The following BFSP1 variants were observed in gnomAD, a reference collection of about 807,000 sequenced individuals.
BFSP1 encodes filensin.
BFSP1 carries 38 observed loss-of-function variants against 43.9 expected under a neutral mutation model. That is an observed-to-expected ratio of 0.87 (90% CI 0.67 to 1.14). The LOEUF (loss-of-function observed/expected upper bound fraction) is 1.14. BFSP1 is among the 50% of genes most tolerant of loss of function. BFSP1 has a pLI of 0.00. For synonymous variants in BFSP1, 352 were observed against 354.8 expected (o/e 0.99, Z 0.09); for missense variants, 850 against 875.1 (o/e 0.97, Z 0.36).
At position 17,517,069 on chromosome 20, in the gene BFSP1, G is replaced by C. The variant is rs1224522562; in HGVS notation, c.439-2253C>G. 5.5e-6 allele frequency: 5 copies of C among 912,166 alleles called. No homozygotes were observed. In the African/African-American group the frequency reaches 6.5e-5, roughly 12 times the overall value. 56.5% of individuals were successfully genotyped at this position (912,166 alleles called of 1,614,324 possible). ...CATCTTGTGTTGAGACTTCGTGGTG[G>C]TGCTAAGAAAAGGAAGAAGTCTTAC... On this transcript the variant is annotated intron_variant, in intron 2 of 7. Coordinates refer to ENST00000377873, the MANE Select transcript of BFSP1 (RefSeq NM_001195.5).
chr20:17,525,318 T>A lies in BFSP1; in HGVS notation c.378-410A>T, dbSNP rs2034397667. 6.6e-6 allele frequency among the ~76,000 whole-genome samples: 1 copy of A among 152,182 alleles called. No homozygotes were observed. Among genetic ancestry groups the A allele is most frequent in the Non-Finnish European group, 1.5e-5 (1 of 68,038 alleles). ...AACCTGACCGTACTTGGATTTCCTA[T>A]AGTATTTTATTTGCTGACACATGTA... On this transcript the variant is annotated intron_variant, in intron 1 of 7. Transcript: ENST00000377873. This position sits in a 1 kb window ranked among gnomAD's most constrained non-coding sequence, Gnocchi z 4.2.
chr20:17,531,230 C>T lies in BFSP1; in HGVS notation c.100G>A (p.Gly34Ser). Residue 34 changes from glycine (G) to serine (S), a missense_variant, in exon 1 of 8, where the codon GGC (glycine) becomes AGC (serine). Coordinates refer to ENST00000377873, the MANE Select transcript of BFSP1 (RefSeq NM_001195.5). ...AAEPERPADEGWAGATSLAAL... is the reference protein window; with the variant it reads ...AAEPERPADESWAGATSLAAL... ...GCCAGGCTCGTTGCCCCAGCCCAGC[C>T]CTCGTCGGCCGGGCGCTCGGGCTCG... The T allele has an allele frequency of 7.2e-7, 1 of 1,391,106 alleles. No homozygotes were observed. The highest frequency in any genetic ancestry group is 1.5e-5 in the South Asian group (1 of 65,128). The allele number at this position is 1,391,106 out of a possible 1,614,324, so 86.2% of individuals were successfully genotyped here. A position where few individuals can be genotyped will look rare whatever the true frequency, so the allele number is the denominator to read the frequency against.
intron 2 of BFSP1, 73 bp from the exon 3 acceptor site, chr20:17,514,889 G>A (rs1657314021): frequency 3.0e-6 from 4 of 1,334,642 alleles, no homozygotes; most frequent in Non-Finnish European, 4.3e-6. Context: ...GGGTATATGA[G>A]CACACAGACC....
intron 1 of BFSP1, among the ~76,000 whole-genome samples, chr20:17,544,750 T>C (rs930826985): frequency 6.6e-6 from 1 of 152,210 alleles, no homozygotes; most frequent in Non-Finnish European, 1.5e-5. Context: ...TCTGTTATTT[T>C]TCACAGTGCT....
rs751977116 is a variant in BFSP1 at position 17,514,848 on chromosome 20, G to T, written c.439-32C>A. 8 of 1,600,080 alleles carry T rather than the reference G, an allele frequency of 5.0e-6. No homozygotes were observed. In the Admixed American group the frequency reaches 1.2e-4, roughly 23 times the overall value. ...TGAGAGCCACATATCCCTGGCCACAGGCACCATGGAGCATAGGGGTAAAGC... is the reference window on the plus strand; with the variant it reads ...TGAGAGCCACATATCCCTGGCCACATGCACCATGGAGCATAGGGGTAAAGC... On this transcript the variant is annotated intron_variant, in intron 2 of 7. Transcript: ENST00000377873.
At chr20:17,564,808 T>C (rs1010517524) in intron 1 of BFSP1, among the ~76,000 whole-genome samples, 10 of 152,148 alleles carry the variant, frequency 6.6e-5, no homozygotes, top group Non-Finnish European at 1.0e-4. Flanking sequence ...AGGCTGGTCC[T>C]GAACTCCTGA....
In BFSP1 at chr20:17,525,919, T is replaced by C. The variant is rs1467888512; in HGVS notation, c.378-1011A>G. 6.6e-6 allele frequency among the ~76,000 whole-genome samples: 1 copy of C among 152,044 alleles called. No individual in the cohort carries two copies. Among genetic ancestry groups the C allele is most frequent in the Non-Finnish European group, 1.5e-5 (1 of 68,018 alleles). The stretch of plus-strand genomic sequence containing the variant: ...ATACCTTTAGTTAAGTAATGGTGTA[T>C]GTGTGCCCTTTGCTTCTCATTTTCC... On this transcript the variant is annotated intron_variant, in intron 1 of 7. Coordinates refer to ENST00000377873, the MANE Select transcript of BFSP1 (RefSeq NM_001195.5). The surrounding 1 kb of genome is among the most constrained non-coding windows in gnomAD (Gnocchi z 4.2).
At chr20:17,550,765 AC>A (rs1365811362) in intron 1 of BFSP1, among the ~76,000 whole-genome samples, 3 of 152,138 alleles carry the variant, frequency 2.0e-5, no homozygotes, top group African/African-American at 7.2e-5. Flanking sequence ...GAGCCACCGT[AC>A]CTGGCCAACT....
At chr20:17,569,215 C>T (rs1221874269) in exon 1 of BFSP1, 3 of 152,218 alleles carry the variant, frequency 2.0e-5, no homozygotes, top group African/African-American at 7.2e-5. Context: ...TGGCCACGGT[C>T]GCCTCGGGAA....
At chr20:17,558,827 G>A (rs903281257) in exon 1 of BFSP1, 4 of 1,301,430 alleles carry the variant, frequency 3.1e-6, no homozygotes, top group Non-Finnish European at 4.1e-6. Flanking sequence ...GGTCTGGGCT[G>A]AGAAAGAAAG....
chr20:17,516,446 C>G (rs1568693997), intron 2 of BFSP1, among the ~76,000 whole-genome samples: 2 of 152,194 alleles, frequency 1.3e-5, no homozygotes, highest in Non-Finnish European at 2.9e-5. Context: ...AAGAAGGATC[C>G]TGAAATTCTG....
Position 17,498,897 on chromosome 20 carries a change from C to T in BFSP1, c.879G>A (p.Arg293=), listed in dbSNP as rs540123949. Reference sequence around the variant, plus strand: ...GGGTTTGCTGGGCGACCGCCAGCTGCCGGCAGTCGTAAGAAGACTTCTCCA... The same window carrying T: ...GGGTTTGCTGGGCGACCGCCAGCTGTCGGCAGTCGTAAGAAGACTTCTCCA... The part of the protein sequence containing the change: ...RVLEKSSYDC[R]QLAVAQQTLK... The change falls in exon 6 of 8, where the codon CGG becomes CGA. Residue 293 remains arginine (R), a synonymous_variant. Transcript: ENST00000377873. 112 of 1,614,044 alleles carry T rather than the reference C, an allele frequency of 6.9e-5. No individual in the cohort carries two copies. Among genetic ancestry groups the T allele is most frequent in the Non-Finnish European group, 8.6e-5 (102 of 1,180,042 alleles).
rs1388210126 is a variant in BFSP1 at position 17,499,051 on chromosome 20, G to C, written c.736-11C>G. 1.2e-6 allele frequency: 2 copies of C among 1,612,376 alleles called. No homozygotes were observed. Among genetic ancestry groups the C allele is most frequent in the Non-Finnish European group, 8.5e-7 (1 of 1,178,502 alleles). On this transcript the variant is annotated splice_polypyrimidine_tract_variant and intron_variant, in intron 5 of 7. Coordinates refer to ENST00000377873, the MANE Select transcript of BFSP1 (RefSeq NM_001195.5). ...TTCCAGAGTTGTTGTCTGTGGGCAA[G>C]GACACGCTGTAAGAAAATCCATCCC... is the stretch of plus-strand genomic sequence containing the variant.
intron 1 of BFSP1, among the ~76,000 whole-genome samples, chr20:17,554,049 T>C (rs1655999704): frequency 6.6e-6 from 1 of 151,300 alleles, no homozygotes; most frequent in South Asian, 2.1e-4. Context: ...AAATTTAAAA[T>C]CTACATAAAA....
intron 4 of BFSP1, among the ~76,000 whole-genome samples, chr20:17,509,884 G>A (rs1399352724): frequency 6.6e-6 from 1 of 152,132 alleles, no homozygotes; most frequent in Non-Finnish European, 1.5e-5. Context: ...TTTCACAAAG[G>A]CCTGACTGCT....
In BFSP1 at chr20:17,520,428, G is replaced by A. The variant is rs139595381; in HGVS notation, c.438+4420C>T. ...TGCTGACCTATTCACAGGGATCCCAGAAACTCCATTTAAAACCCAACTGCT... is the reference window on the plus strand; with the variant it reads ...TGCTGACCTATTCACAGGGATCCCAAAAACTCCATTTAAAACCCAACTGCT... On this transcript the variant is annotated intron_variant, in intron 2 of 7. Coordinates refer to ENST00000377873, the MANE Select transcript of BFSP1 (RefSeq NM_001195.5). Among the ~76,000 whole-genome samples the A allele has an allele frequency of 2.5e-3, 384 of 152,330 alleles. 4 individuals are homozygous for A. The highest frequency in any genetic ancestry group is 0.02 in the East Asian group (102 of 5,194).
At chr20:17,523,993 C>A (rs571321692) in intron 2 of BFSP1, among the ~76,000 whole-genome samples, 1 of 151,960 alleles carries the variant, frequency 6.6e-6, no homozygotes, top group Non-Finnish European at 1.5e-5. Flanking sequence ...GAAGAGTCTG[C>A]GGTTTTGTCA....
chr20:17,557,241 G>A (rs868717114), intron 1 of BFSP1, among the ~76,000 whole-genome samples: 2 of 152,230 alleles, frequency 1.3e-5, no homozygotes, highest in East Asian at 3.8e-4. Context: ...CAGGTCCCAC[G>A]TCAATCTCTC....
intron 2 of BFSP1, among the ~76,000 whole-genome samples, chr20:17,519,482 C>T (rs2056776528): frequency 6.6e-6 from 1 of 152,236 alleles, no homozygotes; most frequent in South Asian, 2.1e-4. Flanking sequence ...TGAGGCCAGA[C>T]TGATGCAGTG....
Sources: gnomAD v4.1 joint callset for allele counts (sites outside exome capture counted in the v4.1 genomes callset) on GRCh38, gnomAD v4.1.1 for gene constraint, Gnocchi (gnomAD v3.1) non-coding constraint, MANE v1.5 for transcripts, NCBI Gene and HGNC (gene_info 2026-07-23, HGNC 2026-07-21) for gene names.